Variants in FRMD4A observed in about 807,000 individuals in gnomAD.
FRMD4A encodes FERM domain containing 4A.
In FRMD4A, 29 loss-of-function variants were observed where a neutral mutation model predicts 129.1. That is an observed-to-expected ratio of 0.22 (90% CI 0.17 to 0.31). FRMD4A has a LOEUF of 0.31. Ranked by LOEUF, FRMD4A falls within the 10% of genes least tolerant of loss-of-function variation. The pLI, the probability that FRMD4A is intolerant of heterozygous loss-of-function variation, is 1.00. For missense variants in FRMD4A, 1,272 were observed against 1,375.8 expected, an observed-to-expected ratio of 0.92 and a Z score of 1.19; for synonymous variants, 634 against 571.6, an observed-to-expected ratio of 1.11 and a Z score of -1.56.
chr10:14,005,532 C>T (rs1390644425), intron 2 of FRMD4A, among the ~76,000 whole-genome samples: 2 of 152,196 alleles, frequency 1.3e-5, no homozygotes, highest in African/African-American at 2.4e-5. Context: ...CCTAAGGGGA[C>T]AGGACTGTCA....
intron 2 of FRMD4A, among the ~76,000 whole-genome samples, chr10:13,935,182 T>C (rs1490202359): frequency 6.6e-6 from 1 of 152,114 alleles, no homozygotes; most frequent in Non-Finnish European, 1.5e-5. Flanking sequence ...CTCATGCCTG[T>C]AATCCCAGCA....
intron 15 of FRMD4A, chr10:13,692,140 CTT>C (rs747299123): frequency 0.025 from 2,558 of 100,334 alleles, 682 homozygotes; most frequent in African/African-American, 0.071. Context: ...ATTTTAGCAG[CTT>C]TTTTTTTTTT....
rs1231652921 is a variant in FRMD4A at position 13,692,160 on chromosome 10, T to TTG, written c.1117+1737_1117+1738insCA. On this transcript the variant is annotated intron_variant, in intron 15 of 24. Coordinates refer to ENST00000357447, the MANE Select transcript of FRMD4A (RefSeq NM_018027.5). ...AGCAGCTTTTTTTTTTTTTTTTTTT[T>TTG]TTTTTTGAGACAGAGTCTTGCTCTG... The TTG allele has an allele frequency of 4.7e-5, 6 of 128,078 alleles. 1 individual carries two copies. Among genetic ancestry groups the TTG allele is most frequent in the African/African-American group, 1.6e-4 (6 of 36,384 alleles). The allele number at this position is 128,078 out of a possible 1,614,324, so 7.9% of individuals were successfully genotyped here.
chr10:13,675,947 T>C (rs970203489), intron 15 of FRMD4A: 1 of 152,242 alleles, frequency 6.6e-6, no homozygotes, highest in African/African-American at 2.4e-5. Context: ...TTTTGTATCA[T>C]GAGCAAATTC....
intron 3 of FRMD4A, among the ~76,000 whole-genome samples, chr10:13,841,903 T>A (rs2093972404): frequency 6.6e-6 from 1 of 152,188 alleles, no homozygotes; most frequent in African/African-American, 2.4e-5. Context: ...GCATCCAAAC[T>A]GAGAGCTATC....
chr10:13,909,926 C>T (rs1255092098), intron 2 of FRMD4A, among the ~76,000 whole-genome samples: 6 of 152,036 alleles, frequency 3.9e-5, no homozygotes, highest in African/African-American at 7.3e-5. Context: ...GTCCAAAAGA[C>T]GAGTTTGAGG....
intron 2 of FRMD4A, among the ~76,000 whole-genome samples, chr10:14,050,845 A>C (rs956863015): frequency 6.6e-6 from 1 of 152,200 alleles, no homozygotes; most frequent in Admixed American, 6.5e-5. Context: ...TGCCCTGCCC[A>C]GTGCACCTCT....
At chr10:13,769,978 GC>G (rs2092408847) in intron 6 of FRMD4A, among the ~76,000 whole-genome samples, 1 of 152,006 alleles carries the variant, frequency 6.6e-6, no homozygotes, top group Non-Finnish European at 1.5e-5. Flanking sequence ...GGATCTCTCA[GC>G]CCCCATGATC....
chr10:13,828,897 G>A (rs923119423), intron 3 of FRMD4A, among the ~76,000 whole-genome samples: 4 of 152,146 alleles, frequency 2.6e-5, no homozygotes, highest in Non-Finnish European at 5.9e-5. Context: ...CTTTACTATT[G>A]TGAATAGTGC....
intron 2 of FRMD4A, among the ~76,000 whole-genome samples, chr10:14,306,497 C>T (rs1049136812): frequency 6.6e-6 from 1 of 152,162 alleles, no homozygotes; most frequent in Non-Finnish European, 1.5e-5. Context: ...TTTTAATGCT[C>T]GTTTCAAGGT....
chr10:13,729,095 C>T (rs903480278), intron 12 of FRMD4A, among the ~76,000 whole-genome samples: 2 of 65,452 alleles, frequency 3.1e-5, no homozygotes, highest in African/African-American at 4.5e-5. Context: ...ATTCCGCCCC[C>T]GCCCGCCCCC....
intron 2 of FRMD4A, among the ~76,000 whole-genome samples, chr10:13,938,668 ACAG>A (rs2095267507): frequency 6.6e-6 from 1 of 152,222 alleles, no homozygotes; most frequent in East Asian, 1.9e-4. Flanking sequence ...AGAAGGGTTA[ACAG>A]TGATCCTCCA....
intron 12 of FRMD4A, among the ~76,000 whole-genome samples, chr10:13,722,052 G>A (rs889487971): frequency 6.6e-6 from 1 of 152,096 alleles, no homozygotes; most frequent in Non-Finnish European, 1.5e-5. Flanking sequence ...GGCTGTGCTC[G>A]CTCCAGGGGG....
At chr10:13,959,384 A>T (rs910293198) in intron 2 of FRMD4A, among the ~76,000 whole-genome samples, 4 of 149,094 alleles carry the variant, frequency 2.7e-5, no homozygotes, top group Non-Finnish European at 5.9e-5. Context: ...AGAGAGAAGA[A>T]TTGTTTGAAC....
intron 2 of FRMD4A, among the ~76,000 whole-genome samples, chr10:14,306,495 C>T (rs929469543): frequency 8.5e-5 from 13 of 152,158 alleles, no homozygotes; most frequent in African/African-American, 2.9e-4. Context: ...CTTTTTAATG[C>T]TCGTTTCAAG....
rs17154662 is a variant in FRMD4A at position 14,113,723 on chromosome 10, T to C, written c.45+216335A>G. Among the ~76,000 whole-genome samples the C allele has an allele frequency of 3.7e-3, 566 of 152,328 alleles. 14 individuals carry two copies. Among genetic ancestry groups the C allele is most frequent in the Admixed American group, 0.027 (417 of 15,292 alleles). On this transcript the variant is annotated intron_variant, in intron 2 of 24. Coordinates refer to ENST00000357447, the MANE Select transcript of FRMD4A (RefSeq NM_018027.5). Reference sequence around the variant, plus strand: ...AATCGAAGGCTATTTAGTAACACTCTAATTGGTCAAAGGCTATTGTAAAGC... The same window carrying C: ...AATCGAAGGCTATTTAGTAACACTCCAATTGGTCAAAGGCTATTGTAAAGC...
intron 2 of FRMD4A, among the ~76,000 whole-genome samples, chr10:14,021,534 G>C (rs1164290693): frequency 6.6e-6 from 1 of 152,086 alleles, no homozygotes; most frequent in Admixed American, 6.5e-5. Context: ...TCCAGCCTGG[G>C]GGATAGAGGG....
chr10:14,006,409 C>G (rs1283760129), intron 2 of FRMD4A, among the ~76,000 whole-genome samples: 1 of 152,202 alleles, frequency 6.6e-6, no homozygotes, highest in African/African-American at 2.4e-5. Flanking sequence ...GTGTATGATA[C>G]TATATTCCCA....
intron 8 of FRMD4A, among the ~76,000 whole-genome samples, chr10:13,759,283 C>T (rs967772309): frequency 1.3e-4 from 20 of 152,174 alleles, no homozygotes; most frequent in Non-Finnish European, 2.9e-4. Flanking sequence ...GAGCACAACC[C>T]GGATCCTTTG....
Sources: allele counts gnomAD v4.1 joint callset (sites outside exome capture counted in the v4.1 genomes callset), GRCh38; gene constraint gnomAD v4.1.1; transcripts MANE v1.5; gene names NCBI Gene and HGNC (gene_info 2026-07-23, HGNC 2026-07-21).